KIAA1328: variants seen among roughly 807,000 people sequenced by gnomAD.
KIAA1328 encodes the protein KIAA1328, also known as protein hinderin.
KIAA1328 carries 52 observed loss-of-function variants against 68.1 expected under a neutral mutation model. The ratio of observed to expected loss-of-function variants is 0.76; its 90% CI spans 0.61 to 0.96. KIAA1328 has a LOEUF of 0.96. Among genes scored for constraint, KIAA1328 ranks in the 40% least tolerant of loss-of-function variants. The pLI is 0.00. For missense variants in KIAA1328, 641 were observed against 677.6 expected, an observed-to-expected ratio of 0.95 and a Z score of 0.60; for synonymous variants, 232 against 239.4, an observed-to-expected ratio of 0.97 and a Z score of 0.28.
chr18:36,834,072 G>T, intron 1 of KIAA1328: 1 of 482,068 alleles, frequency 2.1e-6, no homozygotes, highest in Non-Finnish European at 3.1e-6. Flanking sequence ...ATTTTTATAA[G>T]ATGTGTAGTT....
intron 9 of KIAA1328, among the ~76,000 whole-genome samples, chr18:37,190,090 G>A (rs2059877213): frequency 6.6e-6 from 1 of 152,134 alleles, no homozygotes; most frequent in Admixed American, 6.6e-5. Context: ...GAATAAATAA[G>A]AAAGAGGTAG....
chr18:37,075,533 C>A (rs998158924), intron 7 of KIAA1328: 2 of 152,122 alleles, frequency 1.3e-5, no homozygotes, highest in African/African-American at 4.8e-5. Context: ...AAGACACAGA[C>A]TGGCAAATTG....
chr18:37,212,638 T>A (rs1263422131), intron 9 of KIAA1328, among the ~76,000 whole-genome samples: 1 of 152,258 alleles, frequency 6.6e-6, no homozygotes, highest in Non-Finnish European at 1.5e-5. Flanking sequence ...TTTTATGTGA[T>A]AAAATAATAA....
rs1598728912 is a variant in KIAA1328, at chr18:36,924,835, T to C, written c.449-34473T>C. On this transcript the variant is annotated intron_variant, in intron 5 of 9. Transcript: ENST00000280020. ...GGTTCCCAAAAGAACCCAAAGAAGA[T>C]AACATTTCAAGGAGGGTTGCTGGTC... 4 of 152,036 alleles carry C rather than the reference T, an allele frequency of 2.6e-5. No homozygotes were observed. In the East Asian group the frequency reaches 7.8e-4, roughly 29 times the overall value. 9.4% of individuals were successfully genotyped at this position (152,036 alleles called of 1,614,324 possible).
chr18:37,006,344 A>T (rs895029947), intron 6 of KIAA1328, among the ~76,000 whole-genome samples: 6 of 152,122 alleles, frequency 3.9e-5, no homozygotes, highest in Non-Finnish European at 8.8e-5. Context: ...ATACTGATCA[A>T]GGAGAAAATT....
intron 5 of KIAA1328, among the ~76,000 whole-genome samples, chr18:36,939,393 AGTTT>A (rs949483488): frequency 6.0e-4 from 91 of 151,892 alleles, no homozygotes; most frequent in African/African-American, 2.2e-3. Flanking sequence ...TTTTTCGGAT[AGTTT>A]GTTGTCAGTG....
At chr18:37,211,532 C>A (rs1223883349) in intron 9 of KIAA1328, among the ~76,000 whole-genome samples, 1 of 152,160 alleles carries the variant, frequency 6.6e-6, no homozygotes, top group Non-Finnish European at 1.5e-5. Flanking sequence ...CCTGCCAAGA[C>A]AATTGAGAAG....
In KIAA1328 at chr18:37,165,623, A is replaced by C. The variant is rs1168969183; in HGVS notation, c.1414+5242A>C. ...TTTTTTTTTTTAGACAGAGTTTTTG[A>C]TCTTGTTTCCCAGGGTGGAGTGCAA... On this transcript the variant is annotated intron_variant, in intron 8 of 9. Coordinates refer to ENST00000280020, the MANE Select transcript of KIAA1328 (RefSeq NM_020776.3). Among the ~76,000 whole-genome samples the C allele has an allele frequency of 4.3e-5, 5 of 115,482 alleles. No homozygotes were observed. In the Admixed American group the frequency reaches 4.9e-4, roughly 11 times the overall value. 75.8% of individuals were successfully genotyped at this position (115,482 alleles called of 152,430 possible). A position where few individuals can be genotyped will look rare whatever the true frequency, so the allele number is the denominator to read the frequency against.
chr18:37,071,057 C>CTTTTTTTTTTTTTTTTTTTTTTTTTT (rs58722044), intron 7 of KIAA1328, among the ~76,000 whole-genome samples: 27 of 86,836 alleles, frequency 3.1e-4, no homozygotes, highest in East Asian at 6.7e-4. Context: ...TTTTTTCTTC[C>CTTTTTTTTTTTTTTTTTTTTTTTTTT]TTTTTTTTTT....
At chr18:36,997,816 A>G (rs765148496) in intron 6 of KIAA1328, among the ~76,000 whole-genome samples, 1 of 152,006 alleles carries the variant, frequency 6.6e-6, no homozygotes, top group Non-Finnish European at 1.5e-5. Context: ...TTCCATTGGG[A>G]CTTGGTTGTG....
chr18:36,876,089 C>T lies in KIAA1328; in HGVS notation c.333-9468C>T, dbSNP rs574639414. ...TTGCCAGTATTTTACTGAGGATTTT[C>T]CCATCGATGTTCATCAGGGATATTG... On this transcript the variant is annotated intron_variant, in intron 4 of 9. Coordinates refer to ENST00000280020, the MANE Select transcript of KIAA1328 (RefSeq NM_020776.3). 3.3e-5 allele frequency among the ~76,000 whole-genome samples: 5 copies of T among 152,100 alleles called. No individual in the cohort carries two copies. The East Asian group carries it at 7.7e-4, about 24-fold the overall frequency.
intron 7 of KIAA1328, among the ~76,000 whole-genome samples, chr18:37,091,793 C>T (rs2151834384): frequency 6.6e-6 from 1 of 152,292 alleles, no homozygotes; most frequent in South Asian, 2.1e-4. Flanking sequence ...CACTGTTGTC[C>T]ACATATTGTC....
chr18:36,963,849 G>T (rs1016337738), intron 6 of KIAA1328, among the ~76,000 whole-genome samples: 6 of 152,104 alleles, frequency 3.9e-5, no homozygotes, highest in African/African-American at 1.4e-4. Flanking sequence ...TGTTGCATTG[G>T]TTTTTGTACA....
At chr18:36,957,272 T>G (rs1196350455) in intron 5 of KIAA1328, among the ~76,000 whole-genome samples, 1 of 152,192 alleles carries the variant, frequency 6.6e-6, no homozygotes, top group African/African-American at 2.4e-5. Flanking sequence ...TGACCTATTG[T>G]AAAAGTATGT....
chr18:36,964,880 G>T (rs1024660941), intron 6 of KIAA1328, among the ~76,000 whole-genome samples: 1 of 150,162 alleles, frequency 6.7e-6, no homozygotes, highest in Non-Finnish European at 1.5e-5. Flanking sequence ...TGTTATAGGA[G>T]TGTGTTACTT....
chr18:37,047,165 C>G (rs1048208840), intron 6 of KIAA1328, among the ~76,000 whole-genome samples: 2 of 152,108 alleles, frequency 1.3e-5, no homozygotes, highest in Non-Finnish European at 2.9e-5. Context: ...AAAGATTGTT[C>G]AATATAACTT....
chr18:37,188,082 A>G (rs1195896177), intron 9 of KIAA1328, among the ~76,000 whole-genome samples: 1 of 152,226 alleles, frequency 6.6e-6, no homozygotes, highest in African/African-American at 2.4e-5. Flanking sequence ...ATTGGCGTTG[A>G]GCTTCAAATG....
At chr18:36,874,762 G>A (rs531896991) in intron 4 of KIAA1328, among the ~76,000 whole-genome samples, 10 of 152,144 alleles carry the variant, frequency 6.6e-5, no homozygotes, top group Admixed American at 1.3e-4. Flanking sequence ...TTGCCCATGC[G>A]TATGTCCTGA....
chr18:37,042,947 T>C (rs1247516544), intron 6 of KIAA1328, among the ~76,000 whole-genome samples: 1 of 152,134 alleles, frequency 6.6e-6, no homozygotes, highest in Admixed American at 6.6e-5. Context: ...TTCTACTCTT[T>C]AGGTTAAATA....
Sources: allele counts gnomAD v4.1 joint callset (sites outside exome capture counted in the v4.1 genomes callset), GRCh38; gene constraint gnomAD v4.1.1; transcripts MANE v1.5; gene names NCBI Gene and HGNC (gene_info 2026-07-23, HGNC 2026-07-21).